MFGE8: variants seen among roughly 807,000 people sequenced by gnomAD.
MFGE8 encodes the protein lactadherin.
In MFGE8, 34 loss-of-function variants were observed where a neutral mutation model predicts 42.6. The ratio of observed to expected loss-of-function variants is 0.80; its 90% CI spans 0.61 to 1.06. The LOEUF (loss-of-function observed/expected upper bound fraction) is 1.06. Among genes scored for constraint, MFGE8 ranks in the 50% least tolerant of loss-of-function variants. The pLI is 0.00. For synonymous variants in MFGE8, 230 were observed against 214.8 expected, an observed-to-expected ratio of 1.07 and a Z score of -0.62; for missense variants, 510 against 516.9, an observed-to-expected ratio of 0.99 and a Z score of 0.13.
chr15:88,910,861 T>C (rs1334937605), intron 1 of MFGE8: 3 of 152,116 alleles, frequency 2.0e-5, no homozygotes, highest in Non-Finnish European at 4.4e-5. Context: ...GCTTTTAACC[T>C]TCCTTCACCC....
intron 6 of MFGE8, among the ~76,000 whole-genome samples, chr15:88,900,374 T>C (rs919200650): frequency 7.2e-5 from 11 of 152,118 alleles, no homozygotes; most frequent in Non-Finnish European, 1.3e-4. Flanking sequence ...CAACCACCCC[T>C]GCCTGAGACC....
intron 1 of MFGE8, 182 bp from the exon 2 acceptor site, chr15:88,910,105 A>G: frequency 1.4e-6 from 1 of 729,410 alleles, no homozygotes; most frequent in Admixed American, 2.2e-5. Context: ...AAGGAAGTCC[A>G]TGTGTAGGCG....
rs140372240 is a variant in MFGE8, at chr15:88,907,056, C to T, written c.387+139G>A. On this transcript the variant is annotated intron_variant, in intron 3 of 7. Transcript: ENST00000268150. ...TTCCTCCAGGGATGCCATCCACTTACAGATACTTCATCCATGGGAACCTGT... is the reference window on the plus strand; with the variant it reads ...TTCCTCCAGGGATGCCATCCACTTATAGATACTTCATCCATGGGAACCTGT... 296 of 1,143,246 alleles carry T rather than the reference C, an allele frequency of 2.6e-4. No individual in the cohort carries two copies. In the East Asian group the frequency reaches 7.1e-3, roughly 27 times the overall value. The allele number at this position is 1,143,246 out of a possible 1,614,324, so 70.8% of individuals were successfully genotyped here. A position where few individuals can be genotyped will look rare whatever the true frequency, so the allele number is the denominator to read the frequency against.
chr15:88,909,801 A>G lies in MFGE8; in HGVS notation c.196T>C (p.Cys66Arg). The change falls in exon 2 of 8, where the codon TGT (cysteine) becomes CGT (arginine). Residue 66 changes from cysteine (C) to arginine (R), a missense_variant. Physicochemically the swap from Cys to Arg is radical, Grantham distance 180. Coordinates refer to ENST00000268150, the MANE Select transcript of MFGE8 (RefSeq NM_005928.4). ...TCLKGYAGNH[C>R]ETKCVEPLGL... is the part of the protein sequence containing the mutation. ...ACCCCCACATACTCACTCGTCTCAC[A>G]GTGGTTGCCCGCGTAGCCCTTAAGG... 6.2e-7 allele frequency: 1 copy of G among 1,614,176 alleles called. No individual in the cohort carries two copies. The highest frequency in any genetic ancestry group is 1.3e-5 in the African/African-American group (1 of 75,074).
intron 6 of MFGE8, 37 bp downstream of exon 6, chr15:88,901,514 C>T: frequency 9.7e-7 from 1 of 1,031,784 alleles, no homozygotes; most frequent in Non-Finnish European, 1.5e-6. Context: ...CTCATCCCAC[C>T]CAACCCCAGC....
chr15:88,901,481 G>A, intron 6 of MFGE8, 70 bp downstream of exon 6: 4 of 1,481,452 alleles, frequency 2.7e-6, no homozygotes, highest in East Asian at 4.6e-5. Context: ...GCTGGAGAGA[G>A]GTCAAAGATC....
chr15:88,910,114 C>T (rs1054297690), intron 1 of MFGE8, 191 bp from the exon 2 acceptor site: 39 of 658,222 alleles, frequency 5.9e-5, no homozygotes, highest in Middle Eastern at 8.6e-4. Flanking sequence ...CATGTGTAGG[C>T]GAATCGGCCC....
At chr15:88,909,045 C>T (rs1451070145) in intron 2 of MFGE8, among the ~76,000 whole-genome samples, 4 of 152,220 alleles carry the variant, frequency 2.6e-5, no homozygotes, top group African/African-American at 7.2e-5. Context: ...CCACCCATCC[C>T]TGGGCCCACA....
chr15:88,900,302 A>G (rs1246421813), intron 6 of MFGE8, among the ~76,000 whole-genome samples: 1 of 151,422 alleles, frequency 6.6e-6, no homozygotes, highest in Non-Finnish European at 1.5e-5. Context: ...TTTGCCACAC[A>G]TGGTGTTCGG....
intron 1 of MFGE8, chr15:88,911,998 A>G (rs1898983918): frequency 1.5e-6 from 1 of 658,308 alleles, no homozygotes; most frequent in Admixed American, 2.5e-5. Context: ...ACACAGACAG[A>G]GGCTTGGGTT....
chr15:88,912,007 T>A, intron 1 of MFGE8: 2 of 735,406 alleles, frequency 2.7e-6, no homozygotes, highest in African/African-American at 1.8e-5. Flanking sequence ...GAGGCTTGGG[T>A]TGGGAATGGA....
At chr15:88,901,764 T>C (rs746910185) in intron 5 of MFGE8, 29 bp from the exon 6 acceptor site, 7 of 1,611,864 alleles carry the variant, frequency 4.3e-6, no homozygotes, top group Non-Finnish European at 4.2e-6. Flanking sequence ...GTCATCTGGA[T>C]CTGGGATCCA....
chr15:88,905,856 A>T lies in MFGE8; in HGVS notation c.586T>A (p.Phe196Ile). 1 of 1,614,192 alleles carries T rather than the reference A, an allele frequency of 6.2e-7. No individual in the cohort carries two copies. The highest frequency in any genetic ancestry group is 8.5e-7 in the Non-Finnish European group (1 of 1,180,042). Reference sequence around the variant, plus strand: ...TACTGAGCCTCCACAGGGGTCTCAAACAGGTTGACATGCACCGCGTTTTTG... The same window carrying T: ...TACTGAGCCTCCACAGGGGTCTCAATCAGGTTGACATGCACCGCGTTTTTG... The part of the protein sequence containing the change: ...WNKNAVHVNL[F>I]ETPVEAQYVR... The change falls in exon 5 of 8, where the codon TTT (phenylalanine) becomes ATT (isoleucine). Residue 196 changes from phenylalanine to isoleucine, a missense_variant. Coordinates refer to ENST00000268150, the MANE Select transcript of MFGE8 (RefSeq NM_005928.4). This position sits in a 1 kb window ranked among gnomAD's most constrained non-coding sequence, Gnocchi z 6.6.
At position 88,899,051 on chromosome 15, in the gene MFGE8, C is replaced by A; in HGVS notation, c.*344G>T. 2.5e-6 allele frequency: 1 copy of A among 394,520 alleles called. No homozygotes were observed. The allele number at this position is 394,520 out of a possible 1,614,324, so 24.4% of individuals were successfully genotyped here. A position where few individuals can be genotyped will look rare whatever the true frequency, so the allele number is the denominator to read the frequency against. ...TGTGTGAGAGAGGGGCTAGGAGAGA[C>A]AGAGACACACGCACCTGGGATCGGC... On this transcript the variant is annotated 3_prime_UTR_variant, in exon 8 of 8. Coordinates refer to ENST00000268150, the MANE Select transcript of MFGE8 (RefSeq NM_005928.4). The surrounding 1 kb of genome is among the most constrained non-coding windows in gnomAD (Gnocchi z 6.8).
intron 6 of MFGE8, among the ~76,000 whole-genome samples, chr15:88,901,007 A>T (rs1443077442): frequency 1.4e-5 from 2 of 145,760 alleles, no homozygotes; most frequent in South Asian, 2.2e-4. Context: ...ACACATTCAC[A>T]CACACACACA....
At chr15:88,900,726 A>G in intron 6 of MFGE8, 3 of 985,426 alleles carry the variant, frequency 3.0e-6, no homozygotes, top group Non-Finnish European at 3.6e-6. Context: ...TCTATAAAAC[A>G]AGCTCCGGTT....
In MFGE8 at chr15:88,906,385, C is replaced by T; in HGVS notation, c.540+241G>A. 9.3e-6 allele frequency: 5 copies of T among 538,184 alleles called. 1 individual carries two copies. The South Asian group carries it at 9.6e-5, about 10-fold the overall frequency. The allele number at this position is 538,184 out of a possible 1,614,324, so 33.3% of individuals were successfully genotyped here. ...GCTCCACCACCACTATCACCCTCAACAGGTCACTGTGCCATTTTGAATCTC... is the reference window on the plus strand; with the variant it reads ...GCTCCACCACCACTATCACCCTCAATAGGTCACTGTGCCATTTTGAATCTC... On this transcript the variant is annotated intron_variant, in intron 4 of 7. Coordinates refer to ENST00000268150, the MANE Select transcript of MFGE8 (RefSeq NM_005928.4). The surrounding 1 kb of genome is among the most constrained non-coding windows in gnomAD (Gnocchi z 4.2).
intron 5 of MFGE8, chr15:88,904,723 C>T (rs1326933694): frequency 6.6e-6 from 1 of 152,242 alleles, no homozygotes; most frequent in Non-Finnish European, 1.5e-5. Flanking sequence ...CAAGTTCATA[C>T]TAAAAACACT....
chr15:88,912,475 C>A (rs974595462), intron 1 of MFGE8: 106 of 985,248 alleles, frequency 1.1e-4, no homozygotes, highest in Non-Finnish European at 1.2e-4. Context: ...GGAGGGGCCA[C>A]CTAAAGAGTC....
Sources: allele counts gnomAD v4.1 joint callset (sites outside exome capture counted in the v4.1 genomes callset), GRCh38; gene constraint gnomAD v4.1.1; non-coding constraint Gnocchi (gnomAD v3.1); transcripts MANE v1.5; gene names NCBI Gene and HGNC (gene_info 2026-07-23, HGNC 2026-07-21).